TNFRSF21: variants seen among roughly 807,000 people sequenced by gnomAD.
The protein encoded by TNFRSF21 is TNF receptor superfamily member 21, also known as tumor necrosis factor receptor superfamily member 21.
A neutral mutation model predicts 45.6 loss-of-function variants in TNFRSF21; 19 were observed. The ratio of observed to expected loss-of-function variants is 0.42; its 90% CI spans 0.29 to 0.61. TNFRSF21 has a LOEUF of 0.61. Ranked by LOEUF, TNFRSF21 falls within the 20% of genes least tolerant of loss-of-function variation. The probability of loss-of-function intolerance (pLI) is 0.23; values close to 1 mark genes in which losing one functional copy is unlikely to be tolerated. For missense variants in TNFRSF21, 737 were observed against 851.5 expected (o/e 0.87, Z 1.67); for synonymous variants, 314 against 335.5 (o/e 0.94, Z 0.70).
At chr6:47,243,134 G>T (rs1233924214) in intron 4 of TNFRSF21, among the ~76,000 whole-genome samples, 1 of 152,092 alleles carries the variant, frequency 6.6e-6, no homozygotes, top group East Asian at 1.9e-4. Context: ...TTAGATTCAT[G>T]CCATTAGAAT....
At chr6:47,255,283 G>T (rs1245480464) in intron 3 of TNFRSF21, among the ~76,000 whole-genome samples, 1 of 152,088 alleles carries the variant, frequency 6.6e-6, no homozygotes, top group Non-Finnish European at 1.5e-5. Context: ...GTGAGGGGAG[G>T]CTCTCCCTGA....
intron 3 of TNFRSF21, among the ~76,000 whole-genome samples, chr6:47,263,632 C>T (rs1762280231): frequency 1.3e-5 from 2 of 152,108 alleles, no homozygotes; most frequent in Admixed American, 6.6e-5. Context: ...GCAACAGTGT[C>T]GATTGCTGCC....
intron 4 of TNFRSF21, among the ~76,000 whole-genome samples, chr6:47,252,516 T>C (rs1691947565): frequency 6.6e-6 from 1 of 152,238 alleles, no homozygotes; most frequent in Non-Finnish European, 1.5e-5. Context: ...TAGAACACTT[T>C]CAATGAGTCA....
rs7766272 is a variant in TNFRSF21, at chr6:47,294,085, C to T, written c.97-7490G>A. Among the ~76,000 whole-genome samples, 820 of 152,272 alleles carry T rather than the reference C, an allele frequency of 5.4e-3. 4 individuals carry two copies. The highest frequency in any genetic ancestry group is 0.018 in the African/African-American group (756 of 41,542). ...ACTTACAGACCATAAATAATTAGAA[C>T]CAACATATTAGAAGTGGTGGTAGAG... On this transcript the variant is annotated intron_variant, in intron 1 of 5. Coordinates refer to ENST00000296861, the MANE Select transcript of TNFRSF21 (RefSeq NM_014452.5).
At chr6:47,273,361 T>C (rs1433467364) in intron 3 of TNFRSF21, among the ~76,000 whole-genome samples, 1 of 152,182 alleles carries the variant, frequency 6.6e-6, no homozygotes, top group East Asian at 1.9e-4. Flanking sequence ...TGGTTCAACA[T>C]ATGCAAATCA....
intron 3 of TNFRSF21, among the ~76,000 whole-genome samples, chr6:47,275,063 TA>T (rs1762478049): frequency 6.6e-6 from 1 of 152,188 alleles, no homozygotes; most frequent in South Asian, 2.1e-4. Context: ...TGTGGGAGTG[TA>T]AATTAGTTCA....
At chr6:47,268,810 C>T (rs774166576) in intron 3 of TNFRSF21, among the ~76,000 whole-genome samples, 30 of 152,114 alleles carry the variant, frequency 2.0e-4, no homozygotes, top group Non-Finnish European at 4.0e-4. Flanking sequence ...CCTCATCTAC[C>T]CTATGCCCCT....
chr6:47,287,055 A>T (rs1345514843), intron 1 of TNFRSF21, among the ~76,000 whole-genome samples: 2 of 152,074 alleles, frequency 1.3e-5, no homozygotes, highest in Non-Finnish European at 2.9e-5. Context: ...ATTTTTGCAC[A>T]CCTGCATTTT....
chr6:47,263,767 GAATGTATATTTTAATC>G (rs1175048102), intron 3 of TNFRSF21, among the ~76,000 whole-genome samples: 1 of 152,196 alleles, frequency 6.6e-6, no homozygotes, highest in Non-Finnish European at 1.5e-5. Context: ...TAAGACACCT[GAATGTATATTTTAATC>G]AATGTCTTTT....
intron 3 of TNFRSF21, among the ~76,000 whole-genome samples, chr6:47,270,765 T>TG (rs1363665944): frequency 6.6e-6 from 1 of 151,844 alleles, no homozygotes; most frequent in Non-Finnish European, 1.5e-5. Context: ...CTAAAAACCT[T>TG]GAAAAAAAAG....
intron 3 of TNFRSF21, among the ~76,000 whole-genome samples, chr6:47,265,864 A>G (rs1762326921): frequency 6.6e-6 from 1 of 152,176 alleles, no homozygotes; most frequent in African/African-American, 2.4e-5. Flanking sequence ...TTTAAGCAAA[A>G]CCAAAGTGTC....
chr6:47,302,484 C>T (rs949402263), intron 1 of TNFRSF21, among the ~76,000 whole-genome samples: 5 of 152,164 alleles, frequency 3.3e-5, no homozygotes, highest in Admixed American at 3.3e-4. Context: ...AGCAAAGGAT[C>T]CATTCCCTAT....
At chr6:47,239,900 C>T (rs575620154) in intron 4 of TNFRSF21, among the ~76,000 whole-genome samples, 22 of 152,252 alleles carry the variant, frequency 1.4e-4, no homozygotes, top group Admixed American at 5.2e-4. Context: ...CAAGTTACCC[C>T]CACCTGAACT....
At chr6:47,235,827 A>G (rs1764659513) in intron 4 of TNFRSF21, among the ~76,000 whole-genome samples, 1 of 152,246 alleles carries the variant, frequency 6.6e-6, no homozygotes, top group Non-Finnish European at 1.5e-5. Context: ...AGGATAGAAC[A>G]GAGACTGTGA....
intron 3 of TNFRSF21, among the ~76,000 whole-genome samples, chr6:47,255,422 G>A (rs942054146): frequency 1.3e-5 from 2 of 151,962 alleles, no homozygotes; most frequent in African/African-American, 4.8e-5. Flanking sequence ...TTACTACAAC[G>A]GGTGAGTGAG....
At chr6:47,261,203 A>G (rs1765069545) in intron 3 of TNFRSF21, among the ~76,000 whole-genome samples, 1 of 152,208 alleles carries the variant, frequency 6.6e-6, no homozygotes, top group Admixed American at 6.5e-5. Context: ...TACAGCAACT[A>G]TACAAAGCAA....
chr6:47,294,531 A>ACCC (rs1274586337), intron 1 of TNFRSF21, among the ~76,000 whole-genome samples: 2 of 152,164 alleles, frequency 1.3e-5, no homozygotes, highest in Non-Finnish European at 2.9e-5. Flanking sequence ...CTGGCCTTAT[A>ACCC]CCCTTCAGTA....
chr6:47,268,715 A>G (rs1762371038), intron 3 of TNFRSF21, among the ~76,000 whole-genome samples: 1 of 152,162 alleles, frequency 6.6e-6, no homozygotes, highest in African/African-American at 2.4e-5. Flanking sequence ...TGTCTTGATT[A>G]TCATCTAGGA....
chr6:47,292,377 TAA>T (rs567647688), intron 1 of TNFRSF21, among the ~76,000 whole-genome samples: 1 of 146,858 alleles, frequency 6.8e-6, no homozygotes, highest in African/African-American at 2.5e-5. Flanking sequence ...TGGGAAGCTT[TAA>T]AAAAAAAAAA....
Sources: allele counts gnomAD v4.1 joint callset (sites outside exome capture counted in the v4.1 genomes callset), GRCh38; gene constraint gnomAD v4.1.1; transcripts MANE v1.5; gene names NCBI Gene and HGNC (gene_info 2026-07-23, HGNC 2026-07-21).